Variants in ATP2B1 observed in about 807,000 individuals in gnomAD.
ATP2B1 encodes ATPase plasma membrane Ca2+ transporting 1, also known as plasma membrane calcium-transporting ATPase 1.
ATP2B1 carries 14 observed loss-of-function variants against 124.2 expected under a neutral mutation model. That is an observed-to-expected ratio of 0.11 (90% CI 0.07 to 0.18). The LOEUF is 0.18. Among genes scored for constraint, ATP2B1 ranks in the 10% least tolerant of loss-of-function variants. The pLI is 1.00. For synonymous variants in ATP2B1, 449 were observed against 492.4 expected (o/e 0.91, Z 1.17); for missense variants, 763 against 1,466.1 (o/e 0.52, Z 7.83).
intron 10 of ATP2B1, 54 bp downstream of exon 10, chr12:89,621,495 C>A: frequency 7.4e-7 from 1 of 1,354,184 alleles, no homozygotes; most frequent in Admixed American, 2.6e-5. Context: ...TACATATAGT[C>A]TGATCATTAT....
intron 1 of ATP2B1, among the ~76,000 whole-genome samples, chr12:89,687,008 G>C (rs751719953): frequency 1.2e-4 from 18 of 151,918 alleles, no homozygotes; most frequent in Non-Finnish European, 2.5e-4. Context: ...AAAATATTCG[G>C]GGGGAAAAAA....
At chr12:89,651,279 T>G (rs190632596) in intron 2 of ATP2B1, among the ~76,000 whole-genome samples, 30 of 152,318 alleles carry the variant, frequency 2.0e-4, no homozygotes, top group Admixed American at 5.2e-4. Flanking sequence ...TAGGGCACTC[T>G]TTTTGTTCTT....
At chr12:89,634,111 G>A (rs1188947714) in intron 5 of ATP2B1, among the ~76,000 whole-genome samples, 1 of 152,144 alleles carries the variant, frequency 6.6e-6, no homozygotes, top group African/African-American at 2.4e-5. Flanking sequence ...GTTACTACAA[G>A]AGCCTCCCAA....
chr12:89,698,251 G>T (rs140608676), intron 1 of ATP2B1, among the ~76,000 whole-genome samples: 3 of 152,264 alleles, frequency 2.0e-5, no homozygotes, highest in African/African-American at 7.2e-5. Flanking sequence ...GAACCAAAAT[G>T]TCCATCAACA....
At chr12:89,654,872 A>G (rs1327923746) in intron 2 of ATP2B1, among the ~76,000 whole-genome samples, 2 of 152,138 alleles carry the variant, frequency 1.3e-5, no homozygotes, top group African/African-American at 4.8e-5. Flanking sequence ...ATAAATTGTA[A>G]TCCCCATTCA....
At chr12:89,666,347 T>G (rs1887316597) in intron 1 of ATP2B1, among the ~76,000 whole-genome samples, 1 of 152,226 alleles carries the variant, frequency 6.6e-6, no homozygotes, top group Admixed American at 6.5e-5. Context: ...GACTTTGATC[T>G]GTATTCTCTA....
chr12:89,662,812 A>C (rs1886864402), intron 1 of ATP2B1, among the ~76,000 whole-genome samples: 1 of 152,116 alleles, frequency 6.6e-6, no homozygotes, highest in Non-Finnish European at 1.5e-5. Context: ...ACTCTTCCAG[A>C]GGCAGAGACT....
intron 1 of ATP2B1, among the ~76,000 whole-genome samples, chr12:89,680,690 T>C (rs1009622607): frequency 6.6e-6 from 1 of 152,034 alleles, no homozygotes; most frequent in South Asian, 2.1e-4. Context: ...ATTCAAGAAA[T>C]CTTTCCACAT....
intron 15 of ATP2B1, among the ~76,000 whole-genome samples, chr12:89,606,667 G>A (rs1343056210): frequency 4.1e-5 from 6 of 147,376 alleles, no homozygotes; most frequent in African/African-American, 7.5e-5. Context: ...TCTGCCTTCC[G>A]GGTTCACGCC....
chr12:89,646,909 G>T (rs1884529975), intron 2 of ATP2B1, among the ~76,000 whole-genome samples: 1 of 152,172 alleles, frequency 6.6e-6, no homozygotes, highest in South Asian at 2.1e-4. Flanking sequence ...AGACAACACT[G>T]ATGATACAGG....
At chr12:89,683,966 A>G (rs1298743419) in intron 1 of ATP2B1, among the ~76,000 whole-genome samples, 1 of 152,194 alleles carries the variant, frequency 6.6e-6, no homozygotes, top group African/African-American at 2.4e-5. Context: ...AACGTTTGGA[A>G]TATGCAGAAT....
At chr12:89,702,204 G>A (rs963984782) in intron 1 of ATP2B1, among the ~76,000 whole-genome samples, 1 of 152,178 alleles carries the variant, frequency 6.6e-6, no homozygotes, top group Non-Finnish European at 1.5e-5. Context: ...CTGGAGTTTG[G>A]TTGTGCCTCT....
At chr12:89,659,173 G>C (rs1057026106) in intron 1 of ATP2B1, among the ~76,000 whole-genome samples, 1 of 152,128 alleles carries the variant, frequency 6.6e-6, no homozygotes, top group African/African-American at 2.4e-5. Context: ...GCTTCTCTTT[G>C]TTTTCTAATA....
intron 6 of ATP2B1, among the ~76,000 whole-genome samples, chr12:89,629,516 C>T (rs117200007): frequency 8.3e-4 from 127 of 152,260 alleles, no homozygotes; most frequent in East Asian, 2.1e-3. Flanking sequence ...CCTGGATCTG[C>T]GTCCAGAATT....
chr12:89,619,087 G>T (rs574754540), intron 11 of ATP2B1, among the ~76,000 whole-genome samples: 7 of 151,926 alleles, frequency 4.6e-5, no homozygotes, highest in Admixed American at 1.3e-4. Flanking sequence ...ATGTGAACAT[G>T]TAATAACAAA....
chr12:89,691,216 T>A (rs1018778874), intron 1 of ATP2B1, among the ~76,000 whole-genome samples: 2 of 152,088 alleles, frequency 1.3e-5, no homozygotes, highest in East Asian at 3.9e-4. Flanking sequence ...AGGGCTATTA[T>A]ATGGATTAAA....
In ATP2B1 at chr12:89,611,203, T is replaced by C; in HGVS notation, c.2237A>G (p.Glu746Gly). Reference sequence around the variant, plus strand: ...ATAATAAATCTTTACCTCTCCTTTTTCATTTCGTATTCTTCTGTTAAAATC... The same window carrying C: ...ATAATAAATCTTTACCTCTCCTTTTCCATTTCGTATTCTTCTGTTAAAATC... The part of the protein sequence containing the change: ...GKDFNRRIRN[E>G]KGEIEQERID... The change falls in exon 13 of 21, where the codon GAA becomes GGA. Residue 746 changes from glutamate to glycine, a missense_variant. Around this residue, in one of 7 missense-constraint regions of ATP2B1, gnomAD observed 392 missense variants for 776.6 expected, o/e 0.50. Coordinates refer to ENST00000428670, the MANE Select transcript of ATP2B1 (RefSeq NM_001366521.1). 1 of 1,585,264 alleles carries C rather than the reference T, an allele frequency of 6.3e-7. No homozygotes were observed. The highest frequency in any genetic ancestry group is 8.5e-7 in the Non-Finnish European group (1 of 1,172,456).
At chr12:89,623,566 A>G (rs1239195672) in intron 9 of ATP2B1, among the ~76,000 whole-genome samples, 1 of 152,204 alleles carries the variant, frequency 6.6e-6, no homozygotes. Flanking sequence ...AGAGACCTGA[A>G]TAAAGAAAGA....
chr12:89,676,985 T>C (rs1385703617), intron 1 of ATP2B1, among the ~76,000 whole-genome samples: 2 of 151,758 alleles, frequency 1.3e-5, no homozygotes, highest in African/African-American at 4.8e-5. Context: ...GACCAAAAAA[T>C]TCAGAAGTCA....
Sources: gnomAD v4.1 joint callset for allele counts (sites outside exome capture counted in the v4.1 genomes callset) on GRCh38, gnomAD v4.1.1 for gene constraint, gnomAD v4.1.1 regional missense constraint, MANE v1.5 for transcripts, NCBI Gene and HGNC (gene_info 2026-07-23, HGNC 2026-07-21) for gene names.